Variants in ELP3 observed in about 807,000 individuals in gnomAD.
ELP3 encodes the protein elongator complex protein 3.
ELP3 carries 56 observed loss-of-function variants against 74.9 expected under a neutral mutation model. That is an observed-to-expected ratio of 0.75 (90% CI 0.60 to 0.93). The LOEUF (loss-of-function observed/expected upper bound fraction) is 0.93. Ranked by LOEUF, ELP3 falls within the 40% of genes least tolerant of loss-of-function variation. The pLI, the probability that ELP3 is intolerant of heterozygous loss-of-function variation, is 0.00. For synonymous variants in ELP3, 222 were observed against 239.8 expected, an observed-to-expected ratio of 0.93 and a Z score of 0.68; for missense variants, 573 against 686.5, an observed-to-expected ratio of 0.83 and a Z score of 1.85.
At chr8:28,140,795 G>A (rs1813207038) in intron 10 of ELP3, among the ~76,000 whole-genome samples, 1 of 152,186 alleles carries the variant, frequency 6.6e-6, no homozygotes, top group Non-Finnish European at 1.5e-5. Flanking sequence ...CAGGAAGGCT[G>A]TGACGTGCCT....
chr8:28,154,924 C>G (rs1233255250), intron 10 of ELP3, among the ~76,000 whole-genome samples: 3 of 152,182 alleles, frequency 2.0e-5, no homozygotes, highest in Non-Finnish European at 4.4e-5. Context: ...TATGGCAACT[C>G]TCCTGGCTTC....
Position 28,155,939 on chromosome 8 carries a change from C to A in ELP3, c.1101-3C>A. ...ACAGCTTATGTTTTTCTCCTGTGTA[C>A]AGGGATATTCCAATGCCTTTAGTTA... On this transcript the variant is annotated splice_region_variant and splice_polypyrimidine_tract_variant and intron_variant, in intron 10 of 14. Transcript: ENST00000256398. 1 of 1,610,952 alleles carries A rather than the reference C, an allele frequency of 6.2e-7. No homozygotes were observed. Among genetic ancestry groups the A allele is most frequent in the Non-Finnish European group, 8.5e-7 (1 of 1,177,222 alleles).
intron 7 of ELP3, among the ~76,000 whole-genome samples, chr8:28,119,926 A>G (rs1007597976): frequency 3.3e-5 from 5 of 152,174 alleles, no homozygotes; most frequent in African/African-American, 7.2e-5. Flanking sequence ...TGGGTGATTC[A>G]TTAGTTGTTA....
chr8:28,150,173 A>G (rs1342028605), intron 10 of ELP3, among the ~76,000 whole-genome samples: 1 of 152,258 alleles, frequency 6.6e-6, no homozygotes, highest in Non-Finnish European at 1.5e-5. Flanking sequence ...ATATGTATGT[A>G]TATACACACA....
At chr8:28,096,993 G>A (rs1356360579) in intron 1 of ELP3, among the ~76,000 whole-genome samples, 1 of 152,130 alleles carries the variant, frequency 6.6e-6, no homozygotes, top group Non-Finnish European at 1.5e-5. Context: ...CATAGAGTAT[G>A]TGCTTCTAAA....
upstream of ELP3, among the ~76,000 whole-genome samples, chr8:28,091,696 G>C (rs548546804): frequency 3.2e-4 from 48 of 152,330 alleles, no homozygotes; most frequent in African/African-American, 1.1e-3. Context: ...TTTTGTGCCT[G>C]TGTATTTTTC....
At chr8:28,188,685 C>T (rs773657846) in intron 14 of ELP3, among the ~76,000 whole-genome samples, 17 of 152,212 alleles carry the variant, frequency 1.1e-4, no homozygotes, top group Non-Finnish European at 2.4e-4. Flanking sequence ...GCCTTTTCAC[C>T]TGGCTGTTCA....
At chr8:28,161,175 C>T (rs1345099307) in intron 13 of ELP3, among the ~76,000 whole-genome samples, 1 of 152,180 alleles carries the variant, frequency 6.6e-6, no homozygotes, top group African/African-American at 2.4e-5. Context: ...CTTAATAGCT[C>T]ACTTTTAAAA....
chr8:28,131,800 G>A (rs1042564999), intron 8 of ELP3, among the ~76,000 whole-genome samples: 1 of 152,086 alleles, frequency 6.6e-6, no homozygotes, highest in Admixed American at 6.6e-5. Context: ...TGTATCATAG[G>A]TTTCACTCTT....
At chr8:28,153,716 C>T (rs1022455373) in intron 10 of ELP3, among the ~76,000 whole-genome samples, 1 of 152,132 alleles carries the variant, frequency 6.6e-6, no homozygotes, top group Non-Finnish European at 1.5e-5. Flanking sequence ...TGGATTATCT[C>T]CTCTGAGTCC....
intron 9 of ELP3, among the ~76,000 whole-genome samples, chr8:28,132,911 T>A (rs1812835149): frequency 6.6e-6 from 1 of 152,182 alleles, no homozygotes; most frequent in Admixed American, 6.5e-5. Context: ...TATAATTTTT[T>A]TTAGTATTTA....
At chr8:28,157,641 C>T (rs1400928085) in intron 11 of ELP3, among the ~76,000 whole-genome samples, 3 of 152,116 alleles carry the variant, frequency 2.0e-5, no homozygotes, top group African/African-American at 7.2e-5. Flanking sequence ...TATGTGACAT[C>T]ATCAAATTTC....
chr8:28,154,139 C>A (rs1813742002), intron 10 of ELP3, among the ~76,000 whole-genome samples: 1 of 152,152 alleles, frequency 6.6e-6, no homozygotes. Flanking sequence ...AGTTATAGTG[C>A]TGTCCATGAG....
Position 28,099,886 on chromosome 8 carries a change from A to G in ELP3, c.178A>G (p.Ile60Val). The change falls in exon 3 of 15, where the codon ATC (isoleucine) becomes GTC (valine). Residue 60 changes from isoleucine (I) to valine (V), a missense_variant. Transcript: ENST00000256398. ...TTCTGCCCAGCCCCGCCTGGTGGAT[A>G]TCATTGCTGCCGTCCCTCCTCAGTA... Reference protein sequence around the residue: ...GLSAQPRLVDIIAAVPPQYRK... With the variant: ...GLSAQPRLVDVIAAVPPQYRK... 1.9e-6 allele frequency: 3 copies of G among 1,614,214 alleles called. No individual in the cohort carries two copies. The highest frequency in any genetic ancestry group is 2.5e-6 in the Non-Finnish European group (3 of 1,180,046).
intron 10 of ELP3, among the ~76,000 whole-genome samples, chr8:28,153,515 G>A (rs139733269): frequency 4.2e-4 from 64 of 152,274 alleles, no homozygotes; most frequent in Middle Eastern, 3.4e-3. Flanking sequence ...AATCAGTTTC[G>A]TCATAGGTAG....
chr8:28,090,482 G>GTGTGT (rs1554492430), upstream of ELP3: 10,115 of 160,070 alleles, frequency 0.063, 399 homozygotes, highest in Admixed American at 0.1. Flanking sequence ...CTGATGGGTG[G>GTGTGT]GTGTGTGTGT....
chr8:28,148,539 T>C (rs1299652054), intron 10 of ELP3, among the ~76,000 whole-genome samples: 1 of 152,204 alleles, frequency 6.6e-6, no homozygotes, highest in Non-Finnish European at 1.5e-5. Flanking sequence ...ACTTTCTAAC[T>C]GGATACCATT....
upstream of ELP3, among the ~76,000 whole-genome samples, chr8:28,091,275 G>GTTAA (rs1402513649): frequency 3.3e-5 from 5 of 152,122 alleles, no homozygotes; most frequent in Non-Finnish European, 5.9e-5. Context: ...CTGTGTTGAT[G>GTTAA]TTAACACTGG....
intron 14 of ELP3, among the ~76,000 whole-genome samples, chr8:28,177,745 A>G (rs541358647): frequency 6.6e-6 from 1 of 152,362 alleles, no homozygotes; most frequent in East Asian, 1.9e-4. Flanking sequence ...TGCACCTGTA[A>G]TAGCTAATTC....
Sources: gnomAD v4.1 joint callset for allele counts (sites outside exome capture counted in the v4.1 genomes callset) on GRCh38, gnomAD v4.1.1 for gene constraint, MANE v1.5 for transcripts, NCBI Gene and HGNC (gene_info 2026-07-23, HGNC 2026-07-21) for gene names.